DNAAF4: variants seen among roughly 807,000 people sequenced by gnomAD.
DNAAF4 encodes the protein dynein axonemal assembly factor 4.
Under a neutral mutation model 51.8 loss-of-function variants are expected in DNAAF4, and 43 were observed. The observed-to-expected ratio is 0.83, with a 90% CI of 0.65 to 1.07. The LOEUF (loss-of-function observed/expected upper bound fraction) is 1.07, where lower values mean the gene tolerates loss of function less well. DNAAF4 is among the 50% of genes least tolerant of loss of function. The pLI, the probability that DNAAF4 is intolerant of heterozygous loss-of-function variation, is 0.00. For synonymous variants in DNAAF4, 194 were observed against 165.6 expected (o/e 1.17, Z -1.32); for missense variants, 581 against 493.0 (o/e 1.18, Z -1.69).
At chr15:55,468,697 C>A (rs1337697039) in intron 4 of DNAAF4, among the ~76,000 whole-genome samples, 1 of 152,096 alleles carries the variant, frequency 6.6e-6, no homozygotes, top group Non-Finnish European at 1.5e-5. Context: ...ATACTCCCTG[C>A]AAGAAGAATG....
chr15:55,466,560 T>C (rs1158444275), intron 5 of DNAAF4, among the ~76,000 whole-genome samples: 1 of 152,242 alleles, frequency 6.6e-6, no homozygotes, highest in African/African-American at 2.4e-5. Flanking sequence ...GGTCTTTTAA[T>C]GAAATTCCTA....
chr15:55,457,383 C>T (rs1372020028), intron 5 of DNAAF4, among the ~76,000 whole-genome samples: 1 of 152,126 alleles, frequency 6.6e-6, no homozygotes, highest in Non-Finnish European at 1.5e-5. Flanking sequence ...TCCACCCCCA[C>T]TGTGGCCACA....
chr15:55,433,849 ATATAT>A (rs1192633744), intron 8 of DNAAF4, among the ~76,000 whole-genome samples: 6 of 57,962 alleles, frequency 1.0e-4, no homozygotes, highest in Admixed American at 5.8e-4. Context: ...TATATATTAT[ATATAT>A]TATAATATAT....
At chr15:55,445,306 C>T (rs2057781016) in intron 6 of DNAAF4, among the ~76,000 whole-genome samples, 1 of 151,972 alleles carries the variant, frequency 6.6e-6, no homozygotes. Flanking sequence ...GCCCTTAATC[C>T]ATTTAACCCT....
At chr15:55,486,783 A>C (rs147618661) in intron 4 of DNAAF4, among the ~76,000 whole-genome samples, 3 of 152,220 alleles carry the variant, frequency 2.0e-5, no homozygotes, top group East Asian at 1.9e-4. Context: ...TCTCAAAAAA[A>C]AAAAAAAGTT....
intron 5 of DNAAF4, among the ~76,000 whole-genome samples, chr15:55,461,853 C>A (rs1331747716): frequency 1.3e-5 from 2 of 152,074 alleles, no homozygotes; most frequent in African/African-American, 2.4e-5. Context: ...AATGCTGGTT[C>A]TTTGAAAAGA....
chr15:55,497,776 G>A lies in DNAAF4; in HGVS notation c.207C>T (p.Asp69=). The A allele has an allele frequency of 6.2e-7, 1 of 1,613,840 alleles. No individual in the cohort carries two copies. Among genetic ancestry groups the A allele is most frequent in the Non-Finnish European group, 8.5e-7 (1 of 1,179,880 alleles). ...TTTTATACAAGGTGAAGACAATGGT[G>A]TCATTCCCAATCTTTGCTTTGCTGC... ...DESSKAKIGN[D]TIVFTLYKKE... The change falls in exon 3 of 10, where the codon GAC becomes GAT. Residue 69 remains aspartate (D), a synonymous_variant. Transcript: ENST00000321149.
At chr15:55,463,656 GA>G (rs2058127494) in intron 5 of DNAAF4, among the ~76,000 whole-genome samples, 1 of 151,954 alleles carries the variant, frequency 6.6e-6, no homozygotes, top group African/African-American at 2.4e-5. Context: ...ACCAGGCTGA[GA>G]ATCACATCAA....
At position 55,430,630 on chromosome 15, in the gene DNAAF4, TA is replaced by T; in HGVS notation, c.*39del. On this transcript the variant is annotated 3_prime_UTR_variant, in exon 10 of 10. Transcript: ENST00000321149. Reference sequence around the variant, plus strand: ...GTACAAAGATGCCTCCAGTTGTTTTTAAAAAACTTATAACAATACTTAGTTA... The same window carrying T: ...GTACAAAGATGCCTCCAGTTGTTTTTAAAAACTTATAACAATACTTAGTTA... 3.1e-6 allele frequency: 5 copies of T among 1,594,886 alleles called. No homozygotes were observed. Among genetic ancestry groups the T allele is most frequent in the Non-Finnish European group, 4.3e-6 (5 of 1,171,654 alleles).
intron 2 of DNAAF4, 83 bp from the exon 3 acceptor site, chr15:55,497,942 T>C (rs2058662669): frequency 6.6e-6 from 10 of 1,517,266 alleles, no homozygotes; most frequent in Non-Finnish European, 8.9e-6. Flanking sequence ...AAAGGTAAAA[T>C]AACTTTCTAA....
Position 55,465,389 on chromosome 15 carries a change from TATATAC to T in DNAAF4, c.637+1535_637+1540del, listed in dbSNP as rs1420821473. Reference sequence around the variant, plus strand: ...GAGAAGATAAAGAAAATATGGTGTATATATACACACACACACACACACACACACACA... The same window carrying T: ...GAGAAGATAAAGAAAATATGGTGTATACACACACACACACACACACACACA... On this transcript the variant is annotated intron_variant, in intron 5 of 9. Coordinates refer to ENST00000321149, the MANE Select transcript of DNAAF4 (RefSeq NM_130810.4). 3.0e-4 allele frequency among the ~76,000 whole-genome samples: 39 copies of T among 128,538 alleles called. 1 individual carries two copies. The highest frequency in any genetic ancestry group is 7.0e-3 in the Middle Eastern group (2 of 284). 84.3% of individuals were successfully genotyped at this position (128,538 alleles called of 152,430 possible).
In DNAAF4 at chr15:55,432,485, T is replaced by A. The variant is rs2141400352; in HGVS notation, c.1153+12A>T. 6.2e-7 allele frequency: 1 copy of A among 1,603,682 alleles called. No homozygotes were observed. Among genetic ancestry groups the A allele is most frequent in the East Asian group, 2.2e-5 (1 of 44,770 alleles). ...TAACTTGGGACTTAAACCATTTCTA[T>A]CAATTCCTTACCTTCTACATACAAT... On this transcript the variant is annotated intron_variant, in intron 9 of 9. Transcript: ENST00000321149.
At chr15:55,431,753 C>T (rs957874395) in intron 9 of DNAAF4, among the ~76,000 whole-genome samples, 2 of 152,014 alleles carry the variant, frequency 1.3e-5, no homozygotes, top group African/African-American at 4.8e-5. Context: ...GCTGAGATTA[C>T]AGGCATAAGC....
At chr15:55,459,075 CAAA>C (rs35467433) in intron 5 of DNAAF4, among the ~76,000 whole-genome samples, 3 of 71,972 alleles carry the variant, frequency 4.2e-5, no homozygotes, top group Admixed American at 1.6e-4. Flanking sequence ...GACTCTGTCT[CAAA>C]AAAAAAAAAA....
At chr15:55,440,904 A>T (rs922833336) in intron 6 of DNAAF4, among the ~76,000 whole-genome samples, 1 of 151,064 alleles carries the variant, frequency 6.6e-6, no homozygotes, top group Admixed American at 6.6e-5. Context: ...GCTGGTCTCA[A>T]ACTCCTGACC....
At chr15:55,464,373 C>T (rs1236171908) in intron 5 of DNAAF4, among the ~76,000 whole-genome samples, 3 of 152,072 alleles carry the variant, frequency 2.0e-5, no homozygotes, top group African/African-American at 4.8e-5. Context: ...ACTGGAAAAC[C>T]CCTTCTAACA....
At chr15:55,495,204 T>TAAAAA (rs35527257) in intron 3 of DNAAF4, 1 of 72,518 alleles carries the variant, frequency 1.4e-5, no homozygotes, top group Non-Finnish European at 2.9e-5. Flanking sequence ...TGGGGCTCAC[T>TAAAAA]AAAAAAAAAA....
At chr15:55,484,673 T>C (rs549391376) in intron 4 of DNAAF4, among the ~76,000 whole-genome samples, 1 of 152,202 alleles carries the variant, frequency 6.6e-6, no homozygotes, top group African/African-American at 2.4e-5. Context: ...GGGAGTTTAT[T>C]AAGTATTAAC....
intron 6 of DNAAF4, chr15:55,443,445 C>T (rs904821329): frequency 5.1e-6 from 3 of 585,784 alleles, no homozygotes; most frequent in African/African-American, 1.9e-5. Flanking sequence ...TCCAGTCTAT[C>T]ATTGATGGAC....
Sources: gnomAD v4.1 joint callset for allele counts (sites outside exome capture counted in the v4.1 genomes callset) on GRCh38, gnomAD v4.1.1 for gene constraint, MANE v1.5 for transcripts, NCBI Gene and HGNC (gene_info 2026-07-23, HGNC 2026-07-21) for gene names.